The following FHOD3 variants were observed in gnomAD, a reference collection of about 807,000 sequenced individuals.
The protein encoded by FHOD3 is formin homology 2 domain containing 3.
A neutral mutation model predicts 173.0 loss-of-function variants in FHOD3; 90 were observed. The observed-to-expected ratio is 0.52, with a 90% CI of 0.44 to 0.62. FHOD3 has a LOEUF of 0.62. Among genes scored for constraint, FHOD3 ranks in the 20% least tolerant of loss-of-function variants. The pLI is 0.00. For synonymous variants in FHOD3, 828 were observed against 823.0 expected, an observed-to-expected ratio of 1.01 and a Z score of -0.10; for missense variants, 1,945 against 2,034.7, an observed-to-expected ratio of 0.96 and a Z score of 0.85.
intron 3 of FHOD3, among the ~76,000 whole-genome samples, chr18:36,453,101 A>G (rs555507023): frequency 7.4e-4 from 113 of 152,292 alleles, no homozygotes; most frequent in Non-Finnish European, 1.4e-3. Flanking sequence ...AATCAAAAAT[A>G]CAGACTAGAT....
chr18:36,600,406 C>G (rs1474427303), intron 7 of FHOD3, among the ~76,000 whole-genome samples: 6 of 152,216 alleles, frequency 3.9e-5, no homozygotes, highest in African/African-American at 1.4e-4. Context: ...GTGTTGAACA[C>G]AGGCCTAGCC....
intron 19 of FHOD3, among the ~76,000 whole-genome samples, chr18:36,720,693 CCTCCTT>C (rs1416668008): frequency 1.6e-3 from 179 of 110,210 alleles, no homozygotes; most frequent in African/African-American, 5.7e-3. Flanking sequence ...TCCTCCTCCC[CCTCCTT>C]CTCCTCCTCC....
intron 20 of FHOD3, among the ~76,000 whole-genome samples, chr18:36,731,560 G>A (rs531408250): frequency 1.2e-4 from 19 of 152,356 alleles, no homozygotes; most frequent in African/African-American, 4.6e-4. Context: ...ACACTGCTTT[G>A]TGGCATTGGG....
chr18:36,423,250 T>C (rs1427467265), intron 3 of FHOD3, among the ~76,000 whole-genome samples: 2 of 152,252 alleles, frequency 1.3e-5, no homozygotes, highest in Non-Finnish European at 2.9e-5. Context: ...CTATAATTTT[T>C]ATGATTTAAT....
At chr18:36,348,036 G>T (rs1197571899) in intron 1 of FHOD3, among the ~76,000 whole-genome samples, 2 of 152,172 alleles carry the variant, frequency 1.3e-5, no homozygotes, top group Non-Finnish European at 2.9e-5. Flanking sequence ...TATGGGTTAT[G>T]GGGGAATCAT....
intron 3 of FHOD3, among the ~76,000 whole-genome samples, chr18:36,386,294 C>T (rs1188502494): frequency 6.6e-6 from 1 of 152,102 alleles, no homozygotes; most frequent in Non-Finnish European, 1.5e-5. Flanking sequence ...TGGCTCAGGG[C>T]ATCCTGGGTA....
chr18:36,537,299 A>G (rs1023116313), intron 5 of FHOD3, among the ~76,000 whole-genome samples: 17 of 152,094 alleles, frequency 1.1e-4, no homozygotes, highest in African/African-American at 4.1e-4. Flanking sequence ...TAGCATTCCT[A>G]TTTGTCACCA....
chr18:36,350,661 TGTAA>T (rs1329369606), intron 1 of FHOD3, among the ~76,000 whole-genome samples: 1 of 152,098 alleles, frequency 6.6e-6, no homozygotes, highest in Non-Finnish European at 1.5e-5. Flanking sequence ...GTTGCCTCCG[TGTAA>T]GTAAGAATTG....
chr18:36,345,107 C>T (rs183103965), intron 1 of FHOD3, among the ~76,000 whole-genome samples: 2 of 152,278 alleles, frequency 1.3e-5, no homozygotes, highest in Admixed American at 1.3e-4. Context: ...TTAAGCATCT[C>T]ATTTAACAAA....
At chr18:36,705,226 G>A (rs879060692) in intron 17 of FHOD3, among the ~76,000 whole-genome samples, 1 of 152,142 alleles carries the variant, frequency 6.6e-6, no homozygotes, top group Admixed American at 6.6e-5. Context: ...CCTGGCCCCT[G>A]ACAACCACCC....
Position 36,653,430 on chromosome 18 carries a change from T to G in FHOD3, c.1721+14T>G. 1 of 1,508,200 alleles carries G rather than the reference T, an allele frequency of 6.6e-7. No homozygotes were observed. The highest frequency in any genetic ancestry group is 8.9e-7 in the Non-Finnish European group (1 of 1,124,696). The allele number at this position is 1,508,200 out of a possible 1,614,324, so 93.4% of individuals were successfully genotyped here. A position where few individuals can be genotyped will look rare whatever the true frequency, so the allele number is the denominator to read the frequency against. ...CTCTTCTAATAGGTGGGTGTCTTTA[T>G]TTTCTTTCCCTTTTCTGTAGCTTTC... On this transcript the variant is annotated intron_variant, in intron 13 of 28. Transcript: ENST00000590592.
chr18:36,713,742 A>G lies in FHOD3; in HGVS notation c.2534-4090A>G, dbSNP rs533843017. Among the ~76,000 whole-genome samples, 7 of 152,304 alleles carry G rather than the reference A, an allele frequency of 4.6e-5. No individual in the cohort carries two copies. In the South Asian group the frequency reaches 1.4e-3, roughly 32 times the overall value. ...TTTACAAATTATATGAATGTATTAA[A>G]TTATCACATGTACCCCAAAAACATC... is the stretch of plus-strand genomic sequence containing the variant. On this transcript the variant is annotated intron_variant, in intron 18 of 28. Transcript: ENST00000590592.
intron 4 of FHOD3, among the ~76,000 whole-genome samples, chr18:36,503,045 T>G (rs909214398): frequency 1.3e-5 from 2 of 152,222 alleles, no homozygotes; most frequent in African/African-American, 4.8e-5. Flanking sequence ...CTATTGTGGC[T>G]ATGCCCCCTT....
chr18:36,529,136 T>G (rs1364042532), intron 5 of FHOD3, among the ~76,000 whole-genome samples: 4 of 152,262 alleles, frequency 2.6e-5, no homozygotes, highest in African/African-American at 7.2e-5. Context: ...ATATTGCCTC[T>G]GCAGATGTAG....
chr18:36,597,138 C>G (rs2030573273), intron 7 of FHOD3, among the ~76,000 whole-genome samples: 2 of 152,170 alleles, frequency 1.3e-5, no homozygotes. Flanking sequence ...CCTGGGTTCT[C>G]CTTTGGCTTT....
At chr18:36,406,001 G>C (rs17650463) in intron 3 of FHOD3, among the ~76,000 whole-genome samples, 16,735 of 152,138 alleles carry the variant, frequency 0.11, 1,311 homozygotes, top group South Asian at 0.32. Flanking sequence ...ATAATGGTGA[G>C]GTGTCAAATT....
rs923975414 is a variant in FHOD3 at position 36,573,564 on chromosome 18, C to T, written c.512-2887C>T. The stretch of plus-strand genomic sequence containing the variant: ...AAGGCTGCAGTGAGCCATGATGGCA[C>T]CACTGCTCCAACGTGGGTGACAGCG... On this transcript the variant is annotated intron_variant, in intron 5 of 28. Transcript: ENST00000590592. 9.9e-5 allele frequency among the ~76,000 whole-genome samples: 15 copies of T among 152,270 alleles called. No homozygotes were observed. The East Asian group carries it at 2.9e-3, about 29-fold the overall frequency.
At chr18:36,636,212 G>A (rs1035786776) in intron 10 of FHOD3, among the ~76,000 whole-genome samples, 5 of 152,154 alleles carry the variant, frequency 3.3e-5, no homozygotes, top group Non-Finnish European at 7.3e-5. Flanking sequence ...GGCAGTCCAC[G>A]CAGGCATGGG....
rs1300103615 is a variant in FHOD3 at position 36,297,881 on chromosome 18, C to G, written c.46C>G (p.Pro16Ala). ...CRVQFLDDTD[P>A]FNSTNFPEPS... ...GGTGCAGTTCTTGGACGACACGGACCCTTTCAACAGCACCAACTTCCCCGA... is the reference window on the plus strand; with the variant it reads ...GGTGCAGTTCTTGGACGACACGGACGCTTTCAACAGCACCAACTTCCCCGA... Residue 16 changes from proline to alanine, a missense_variant, in exon 1 of 29, where the codon CCT becomes GCT. Around this residue, in one of 5 missense-constraint regions of FHOD3, gnomAD observed 245 missense variants for 267.7 expected, o/e 0.92. Coordinates refer to ENST00000590592, the MANE Select transcript of FHOD3 (RefSeq NM_001281740.3). 2 of 1,555,962 alleles carry G rather than the reference C, an allele frequency of 1.3e-6. No homozygotes were observed. Among genetic ancestry groups the G allele is most frequent in the Admixed American group, 3.8e-5 (2 of 52,348 alleles).
Sources: allele counts gnomAD v4.1 joint callset (sites outside exome capture counted in the v4.1 genomes callset), GRCh38; gene constraint gnomAD v4.1.1; regional missense constraint gnomAD v4.1.1; transcripts MANE v1.5; gene names NCBI Gene and HGNC (gene_info 2026-07-23, HGNC 2026-07-21).